The following BBX variants were observed in gnomAD, a reference collection of about 807,000 sequenced individuals.
BBX encodes the protein HMG box transcription factor BBX.
BBX carries 30 observed loss-of-function variants against 100.2 expected under a neutral mutation model. That is an observed-to-expected ratio of 0.30 (90% confidence interval 0.22 to 0.41). The LOEUF (loss-of-function observed/expected upper bound fraction) is 0.41. Among genes scored for constraint, BBX ranks in the 10% least tolerant of loss-of-function variants. The probability of loss-of-function intolerance (pLI) is 1.00; values close to 1 mark genes in which losing one functional copy is unlikely to be tolerated. For missense variants in BBX, 1,023 were observed against 1,129.8 expected (o/e 0.91, Z 1.35); for synonymous variants, 376 against 388.1 (o/e 0.97, Z 0.37).
At chr3:107,638,335 G>T (rs996783484) in intron 2 of BBX, among the ~76,000 whole-genome samples, 1 of 152,154 alleles carries the variant, frequency 6.6e-6, no homozygotes, top group Non-Finnish European at 1.5e-5. Flanking sequence ...AATTATAGGC[G>T]TGAGCCATGG....
At chr3:107,719,967 G>A (rs1440845104) in intron 5 of BBX, among the ~76,000 whole-genome samples, 1 of 151,922 alleles carries the variant, frequency 6.6e-6, no homozygotes, top group African/African-American at 2.4e-5. Flanking sequence ...CAAAGAGGAG[G>A]GGAGGATTTG....
At chr3:107,744,752 A>C in intron 8 of BBX, 42 bp downstream of exon 8, 1 of 1,514,880 alleles carries the variant, frequency 6.6e-7, no homozygotes, top group Non-Finnish European at 9.2e-7. Context: ...AGGAAATTGT[A>C]AAGTGGGCTT....
intron 2 of BBX, chr3:107,599,592 T>C (rs1353763957): frequency 6.6e-6 from 1 of 152,142 alleles, no homozygotes; most frequent in Non-Finnish European, 1.5e-5. Flanking sequence ...GTGAGAGGTA[T>C]GTGCTTGAAA....
At chr3:107,785,994 G>A (rs867472196) in intron 13 of BBX, among the ~76,000 whole-genome samples, 9 of 152,096 alleles carry the variant, frequency 5.9e-5, no homozygotes, top group Middle Eastern at 6.8e-3. Flanking sequence ...AGGTTATAAG[G>A]TCATTAGATA....
rs535031569 is a variant in BBX, at chr3:107,646,992, A to T, written c.-10+1083A>T. 3.3e-5 allele frequency among the ~76,000 whole-genome samples: 5 copies of T among 152,254 alleles called. No homozygotes were observed. In the East Asian group the frequency reaches 5.8e-4, roughly 18 times the overall value. ...ATGATTTACTTGAATGTGTATTTAT[A>T]ATAGGTCATTTAAACAACAAAACCT... On this transcript the variant is annotated intron_variant, in intron 3 of 17. Coordinates refer to ENST00000325805, the MANE Select transcript of BBX (RefSeq NM_001142568.3).
chr3:107,525,068 G>A (rs1444906359), intron 1 of BBX, among the ~76,000 whole-genome samples: 1 of 149,338 alleles, frequency 6.7e-6, no homozygotes, highest in Non-Finnish European at 1.5e-5. Flanking sequence ...GGGCCCCCAC[G>A]CGGCCCCCCG....
intron 2 of BBX, among the ~76,000 whole-genome samples, chr3:107,555,267 T>C (rs893607429): frequency 6.6e-6 from 1 of 152,176 alleles, no homozygotes; most frequent in African/African-American, 2.4e-5. Context: ...GGCTAAACAA[T>C]ATAGAACAGT....
intron 10 of BBX, among the ~76,000 whole-genome samples, chr3:107,756,870 A>T (rs1184890117): frequency 1.3e-5 from 2 of 152,172 alleles, no homozygotes; most frequent in Non-Finnish European, 2.9e-5. Flanking sequence ...ACTACTCCAA[A>T]CAGAGCTGAA....
chr3:107,791,818 TG>T (rs758725272), intron 15 of BBX, among the ~76,000 whole-genome samples: 3 of 152,146 alleles, frequency 2.0e-5, no homozygotes, highest in Non-Finnish European at 2.9e-5. Context: ...CTAACCAACA[TG>T]GTGAAACCCC....
intron 3 of BBX, among the ~76,000 whole-genome samples, chr3:107,671,594 A>C (rs146148764): frequency 6.6e-6 from 1 of 152,136 alleles, no homozygotes; most frequent in Non-Finnish European, 1.5e-5. Context: ...GAAGAAAGTC[A>C]ATTCGAAGAA....
At chr3:107,603,362 T>C (rs1470840930) in intron 2 of BBX, among the ~76,000 whole-genome samples, 1 of 151,970 alleles carries the variant, frequency 6.6e-6, no homozygotes, top group East Asian at 1.9e-4. Context: ...CATTAAACTT[T>C]CTTGTCATCT....
intron 3 of BBX, among the ~76,000 whole-genome samples, chr3:107,678,194 G>GT (rs1332609407): frequency 6.6e-6 from 1 of 151,606 alleles, no homozygotes; most frequent in Non-Finnish European, 1.5e-5. Context: ...ACTATAAATT[G>GT]TTACATTTTA....
intron 13 of BBX, among the ~76,000 whole-genome samples, chr3:107,781,956 A>C (rs1313208160): frequency 1.3e-5 from 2 of 152,132 alleles, no homozygotes; most frequent in Non-Finnish European, 2.9e-5. Context: ...GGTGGGGCCA[A>C]GCCAATAGTA....
chr3:107,724,320 T>C (rs1376887318), intron 5 of BBX, among the ~76,000 whole-genome samples: 4 of 152,186 alleles, frequency 2.6e-5, no homozygotes, highest in Admixed American at 2.6e-4. Context: ...CTTTGTCAGA[T>C]GAGTAGATTG....
In BBX at chr3:107,716,812, C is replaced by T. The variant is rs373633459; in HGVS notation, c.368C>T (p.Pro123Leu). The change falls in exon 5 of 18, where the codon CCA (proline) becomes CTA (leucine). Residue 123 changes from proline to leucine, a missense_variant. Physicochemically the swap from Pro to Leu is moderately conservative, Grantham distance 98. Transcript: ENST00000325805. The part of the protein sequence containing the change: ...ILADWWAVLD[P>L]KEKQKYTDMA... Reference sequence around the variant, plus strand: ...GCTGATTGGTGGGCTGTTCTTGATCCAAAGGAAAAGCAGAAATACACAGAC... The same window carrying T: ...GCTGATTGGTGGGCTGTTCTTGATCTAAAGGAAAAGCAGAAATACACAGAC... 13 of 1,613,370 alleles carry T rather than the reference C, an allele frequency of 8.1e-6. No individual in the cohort carries two copies. In the African/African-American group the frequency reaches 1.6e-4, roughly 20 times the overall value.
At chr3:107,588,058 G>A (rs1023803658) in intron 2 of BBX, among the ~76,000 whole-genome samples, 4 of 152,074 alleles carry the variant, frequency 2.6e-5, no homozygotes, top group South Asian at 2.1e-4. Context: ...TTACCTGTTT[G>A]TTTTCTGTTC....
chr3:107,808,193 T>A lies in BBX; in HGVS notation c.*2736T>A, dbSNP rs2071154687. On this transcript the variant is annotated 3_prime_UTR_variant, in exon 18 of 18. Transcript: ENST00000325805. ...GTGTGTACTTTAATCTGCCAGCAGA[T>A]ACCATCTACACTAACATTTGTCCCA... 1 of 152,070 alleles carries A rather than the reference T, an allele frequency of 6.6e-6. No homozygotes were observed. The highest frequency in any genetic ancestry group is 2.1e-4 in the South Asian group (1 of 4,792). The allele number at this position is 152,070 out of a possible 1,614,324, so 9.4% of individuals were successfully genotyped here. A position where few individuals can be genotyped will look rare whatever the true frequency, so the allele number is the denominator to read the frequency against.
At chr3:107,727,139 T>C (rs1254969076) in intron 5 of BBX, among the ~76,000 whole-genome samples, 1 of 152,118 alleles carries the variant, frequency 6.6e-6, no homozygotes, top group Non-Finnish European at 1.5e-5. Flanking sequence ...GACAAATATG[T>C]TAATCAATTT....
At chr3:107,785,323 G>A (rs1333439726) in intron 13 of BBX, among the ~76,000 whole-genome samples, 2 of 151,892 alleles carry the variant, frequency 1.3e-5, no homozygotes, top group Non-Finnish European at 2.9e-5. Flanking sequence ...TGTGAGACCT[G>A]TATTACTTTA....
Sources: allele counts gnomAD v4.1 joint callset (sites outside exome capture counted in the v4.1 genomes callset), GRCh38; gene constraint gnomAD v4.1.1; transcripts MANE v1.5; gene names NCBI Gene and HGNC (gene_info 2026-07-23, HGNC 2026-07-21).